Variants in GRM8 observed in about 807,000 individuals in gnomAD.
GRM8 encodes glutamate metabotropic receptor 8, also known as metabotropic glutamate receptor 8.
Under a neutral mutation model 87.2 loss-of-function variants are expected in GRM8, and 47 were observed. The ratio of observed to expected loss-of-function variants is 0.54; its 90% CI spans 0.43 to 0.69. The LOEUF (loss-of-function observed/expected upper bound fraction) is 0.69. Among genes scored for constraint, GRM8 ranks in the 30% least tolerant of loss-of-function variants. The probability of loss-of-function intolerance (pLI) is 0.00; values close to 1 mark genes in which losing one functional copy is unlikely to be tolerated. For missense variants in GRM8, 1,019 were observed against 1,139.2 expected, an observed-to-expected ratio of 0.89 and a Z score of 1.52; for synonymous variants, 396 against 404.5, an observed-to-expected ratio of 0.98 and a Z score of 0.25.
intron 6 of GRM8, among the ~76,000 whole-genome samples, chr7:126,818,617 G>A (rs1043096272): frequency 6.6e-6 from 1 of 152,152 alleles, no homozygotes; most frequent in Non-Finnish European, 1.5e-5. Flanking sequence ...AATGCTCTGA[G>A]TCATACATTT....
intron 3 of GRM8, among the ~76,000 whole-genome samples, chr7:127,093,525 T>C (rs1824355550): frequency 6.6e-6 from 1 of 152,218 alleles, no homozygotes; most frequent in Admixed American, 6.5e-5. Context: ...GTTATGCACA[T>C]GCCAGCCATG....
intron 7 of GRM8, among the ~76,000 whole-genome samples, chr7:126,691,281 G>C (rs1404545652): frequency 6.6e-6 from 1 of 152,200 alleles, no homozygotes; most frequent in Non-Finnish European, 1.5e-5. Context: ...ACCTGGCCAG[G>C]TTGCGACAGT....
At chr7:126,723,267 T>C (rs1272511810) in intron 7 of GRM8, among the ~76,000 whole-genome samples, 1 of 151,986 alleles carries the variant, frequency 6.6e-6, no homozygotes, top group African/African-American at 2.4e-5. Context: ...TTATGCCTCC[T>C]TCATGAGACC....
rs529085124 is a variant in GRM8, at chr7:126,955,134, G to C, written c.728-50451C>G. 7.2e-5 allele frequency among the ~76,000 whole-genome samples: 11 copies of C among 152,246 alleles called. 1 individual carries two copies. The South Asian group carries it at 2.1e-3, about 29-fold the overall frequency. On this transcript the variant is annotated intron_variant, in intron 3 of 10. Transcript: ENST00000339582. ...GCCCAAACAAAAATGAGGAAAAGGT[G>C]TATATGTAAATTAAGAACACATTTA...
At chr7:126,597,345 A>G (rs139572860) in intron 8 of GRM8, among the ~76,000 whole-genome samples, 23 of 152,132 alleles carry the variant, frequency 1.5e-4, no homozygotes, top group African/African-American at 5.1e-4. Context: ...AATATACAAT[A>G]CTTTTCAGTT....
At chr7:126,443,447 T>C (rs760245068) in intron 10 of GRM8, among the ~76,000 whole-genome samples, 2 of 151,934 alleles carry the variant, frequency 1.3e-5, no homozygotes, top group African/African-American at 2.4e-5. Flanking sequence ...GCCATGGAAG[T>C]GAACAAAGGT....
intron 8 of GRM8, among the ~76,000 whole-genome samples, chr7:126,568,943 A>T (rs1293184485): frequency 6.6e-6 from 1 of 152,170 alleles, no homozygotes; most frequent in Admixed American, 6.6e-5. Flanking sequence ...CTGCAAGGAA[A>T]ATCAAAAAGA....
chr7:127,011,228 G>A (rs1394942003), intron 3 of GRM8, among the ~76,000 whole-genome samples: 1 of 152,026 alleles, frequency 6.6e-6, no homozygotes, highest in East Asian at 1.9e-4. Context: ...GACACCCTTG[G>A]CCTTTCACAT....
At chr7:127,088,658 T>C (rs1241917453) in intron 3 of GRM8, among the ~76,000 whole-genome samples, 2 of 152,184 alleles carry the variant, frequency 1.3e-5, no homozygotes, top group African/African-American at 4.8e-5. Flanking sequence ...GTGGTGTCAA[T>C]GGACTGACAC....
intron 6 of GRM8, among the ~76,000 whole-genome samples, chr7:126,856,655 G>A (rs533197845): frequency 6.6e-6 from 1 of 152,288 alleles, no homozygotes; most frequent in South Asian, 2.1e-4. Context: ...TCACTTGGGG[G>A]AGACTTCTTG....
intron 6 of GRM8, among the ~76,000 whole-genome samples, chr7:126,819,394 A>C (rs908065882): frequency 6.6e-6 from 1 of 152,110 alleles, no homozygotes; most frequent in Non-Finnish European, 1.5e-5. Context: ...TCATTTTCAC[A>C]TTCCTACAAA....
At chr7:126,508,335 T>C (rs1810806604) in intron 9 of GRM8, among the ~76,000 whole-genome samples, 1 of 151,858 alleles carries the variant, frequency 6.6e-6, no homozygotes, top group South Asian at 2.1e-4. Context: ...AGAGCTGTTA[T>C]CTTGTAAAGG....
chr7:127,026,743 C>T (rs1428696044), intron 3 of GRM8, among the ~76,000 whole-genome samples: 1 of 151,980 alleles, frequency 6.6e-6, no homozygotes, highest in African/African-American at 2.4e-5. Flanking sequence ...ATATTAGTGC[C>T]TTGCCAGATG....
intron 7 of GRM8, among the ~76,000 whole-genome samples, chr7:126,727,704 T>TACACACACACACACACAC (rs3038844): frequency 7.1e-6 from 1 of 141,772 alleles, no homozygotes; most frequent in African/African-American, 2.6e-5. Context: ...TCTGAAATCA[T>TACACACACACACACACAC]ACACACACAC....
chr7:126,882,514 A>C (rs1006630543), intron 6 of GRM8, among the ~76,000 whole-genome samples: 6 of 152,196 alleles, frequency 3.9e-5, no homozygotes, highest in Non-Finnish European at 1.5e-5. Context: ...TAACCTATAA[A>C]AACCTGAGTA....
intron 3 of GRM8, among the ~76,000 whole-genome samples, chr7:127,054,633 G>T (rs1033538142): frequency 1.3e-5 from 2 of 152,164 alleles, no homozygotes; most frequent in African/African-American, 2.4e-5. Context: ...AAAGGCTAGT[G>T]AATAAGAGAA....
intron 8 of GRM8, among the ~76,000 whole-genome samples, chr7:126,597,268 AT>A (rs1797300128): frequency 1.3e-5 from 2 of 152,014 alleles, no homozygotes; most frequent in African/African-American, 2.4e-5. Context: ...ATAAACATTA[AT>A]TTTTCTTTTG....
chr7:127,200,912 CA>C lies in GRM8; in HGVS notation c.510+41782del, dbSNP rs1795552137. 2.0e-5 allele frequency among the ~76,000 whole-genome samples: 3 copies of C among 152,240 alleles called. No individual in the cohort carries two copies. In the South Asian group the frequency reaches 6.2e-4, roughly 32 times the overall value. On this transcript the variant is annotated intron_variant, in intron 2 of 10. Coordinates refer to ENST00000339582, the MANE Select transcript of GRM8 (RefSeq NM_000845.3). ...TATTTAACCCTGTACATATGGAGTG[CA>C]AAACTACTCACCTTTCCTTTACCAA...
At chr7:126,547,056 G>A (rs1817237292) in intron 8 of GRM8, among the ~76,000 whole-genome samples, 1 of 152,126 alleles carries the variant, frequency 6.6e-6, no homozygotes. Flanking sequence ...CAATTAACAA[G>A]GGATCTGAAG....
Sources: gnomAD v4.1 joint callset for allele counts (sites outside exome capture counted in the v4.1 genomes callset) on GRCh38, gnomAD v4.1.1 for gene constraint, MANE v1.5 for transcripts, NCBI Gene and HGNC (gene_info 2026-07-23, HGNC 2026-07-21) for gene names.